PREX1: variants seen among roughly 807,000 people sequenced by gnomAD.
The protein encoded by PREX1 is phosphatidylinositol 3,4,5-trisphosphate-dependent Rac exchanger 1 protein.
In PREX1, 41 loss-of-function variants were observed where a neutral mutation model predicts 198.3. The ratio of observed to expected loss-of-function variants is 0.21; its 90% CI spans 0.16 to 0.27. The LOEUF (loss-of-function observed/expected upper bound fraction) is 0.27. Ranked by LOEUF, PREX1 falls within the 10% of genes least tolerant of loss-of-function variation. The pLI is 1.00. For synonymous variants in PREX1, 843 were observed against 887.2 expected, an observed-to-expected ratio of 0.95 and a Z score of 0.89; for missense variants, 1,620 against 2,200.7, an observed-to-expected ratio of 0.74 and a Z score of 5.28.
chr20:48,886,850 A>T, the PREX1 span, among the ~76,000 whole-genome samples: 1 of 152,224 alleles, frequency 6.6e-6, no homozygotes, highest in Admixed American at 6.5e-5. Context: ...TCAATCTGTT[A>T]ACATGTCAGA....
At chr20:48,629,304 G>T in intron 37 of PREX1, 145 bp downstream of exon 37, 4 of 1,135,238 alleles carry the variant, frequency 3.5e-6, no homozygotes, top group Non-Finnish European at 5.0e-6. Flanking sequence ...GACAAACTGA[G>T]GTGCAGACAG....
At chr20:48,873,865 G>A in the PREX1 span, among the ~76,000 whole-genome samples, 14 of 152,070 alleles carry the variant, frequency 9.2e-5, no homozygotes, top group South Asian at 2.1e-4. Flanking sequence ...TTTCCCAGGC[G>A]TTTACACACA....
chr20:48,858,871 CTTTATTTTATT>C, the PREX1 span, among the ~76,000 whole-genome samples: 2 of 152,030 alleles, frequency 1.3e-5, no homozygotes, highest in Non-Finnish European at 2.9e-5. Flanking sequence ...GTACTGCGTA[CTTTATTTTATT>C]TTTATTTTAT....
chr20:48,632,514 T>C lies in PREX1; in HGVS notation c.4393A>G (p.Thr1465Ala). The change falls in exon 34 of 40, where the codon ACA (threonine) becomes GCA (alanine). Residue 1465 changes from threonine to alanine, a missense_variant. Thr to Ala is a moderately conservative substitution (Grantham distance 58, BLOSUM62 0). Transcript: ENST00000371941. Reference protein sequence around the residue: ...LEGGASLRLHTALFTKVLENV... With the variant: ...LEGGASLRLHAALFTKVLENV... Reference sequence around the variant, plus strand: ...AGCTCACCTTTCGTGAACAGCGCTGTGTGCAGCCTCAGGCTGGCCCCACCC... The same window carrying C: ...AGCTCACCTTTCGTGAACAGCGCTGCGTGCAGCCTCAGGCTGGCCCCACCC... 1 of 1,613,994 alleles carries C rather than the reference T, an allele frequency of 6.2e-7. No individual in the cohort carries two copies. The highest frequency in any genetic ancestry group is 1.1e-5 in the South Asian group (1 of 91,082).
chr20:48,886,962 T>A, the PREX1 span, among the ~76,000 whole-genome samples: 1 of 152,160 alleles, frequency 6.6e-6, no homozygotes, highest in East Asian at 1.9e-4. Context: ...AAAATCCCTT[T>A]AGCAATATAG....
intron 7 of PREX1, among the ~76,000 whole-genome samples, chr20:48,694,440 C>T (rs2089835209): frequency 6.6e-6 from 1 of 152,204 alleles, no homozygotes; most frequent in African/African-American, 2.4e-5. Context: ...AACAAAACAT[C>T]TCTGGGAACT....
chr20:48,642,391 G>A lies in PREX1; in HGVS notation c.3684+16C>T. Reference sequence around the variant, plus strand: ...AGGAACCCAAAGTTGCGCCAGGAGTGGGGCAAAGGTCCTACCTGGTTAAAG... The same window carrying A: ...AGGAACCCAAAGTTGCGCCAGGAGTAGGGCAAAGGTCCTACCTGGTTAAAG... On this transcript the variant is annotated intron_variant, in intron 28 of 39. Coordinates refer to ENST00000371941, the MANE Select transcript of PREX1 (RefSeq NM_020820.4). 1 of 1,610,922 alleles carries A rather than the reference G, an allele frequency of 6.2e-7. No individual in the cohort carries two copies. Among genetic ancestry groups the A allele is most frequent in the Non-Finnish European group, 8.5e-7 (1 of 1,177,782 alleles).
At chr20:48,630,821 G>A (rs770427234) in intron 35 of PREX1, 27 bp from the exon 36 acceptor site, 12 of 1,516,694 alleles carry the variant, frequency 7.9e-6, no homozygotes, top group East Asian at 4.5e-5. Flanking sequence ...GGAATGAGGC[G>A]GGGGCCACCA....
chr20:48,855,091 AT>A, the PREX1 span, among the ~76,000 whole-genome samples: 3 of 152,300 alleles, frequency 2.0e-5, no homozygotes, highest in African/African-American at 7.2e-5. Context: ...CATACCGATT[AT>A]TATCCAGTAC....
intron 1 of PREX1, among the ~76,000 whole-genome samples, chr20:48,753,906 C>A (rs760055567): frequency 6.6e-6 from 1 of 152,236 alleles, no homozygotes; most frequent in Non-Finnish European, 1.5e-5. Flanking sequence ...CCGCTATTGG[C>A]TGTGCTCTTA....
chr20:48,808,633 C>A (rs546795525), intron 1 of PREX1, among the ~76,000 whole-genome samples: 4 of 152,298 alleles, frequency 2.6e-5, no homozygotes, highest in South Asian at 2.1e-4. Flanking sequence ...AAGGACAACA[C>A]CACCTCACTC....
the PREX1 span, among the ~76,000 whole-genome samples, chr20:48,860,038 G>A: frequency 6.6e-6 from 1 of 152,028 alleles, no homozygotes; most frequent in African/African-American, 2.4e-5. Context: ...AAAAAGAAAA[G>A]AAAAGAAACC....
intron 33 of PREX1, 142 bp from the exon 34 acceptor site, chr20:48,632,781 T>G: frequency 1.2e-6 from 1 of 859,366 alleles, no homozygotes; most frequent in Non-Finnish European, 1.8e-6. Flanking sequence ...CTCCCGACTC[T>G]ACAGGGGTAG....
chr20:48,675,969 G>A (rs1021068007), intron 14 of PREX1, among the ~76,000 whole-genome samples: 4 of 151,952 alleles, frequency 2.6e-5, no homozygotes, highest in East Asian at 3.9e-4. Flanking sequence ...CCTGGGAGGC[G>A]GAGGTTGCAG....
chr20:48,796,217 G>A (rs1253830968), intron 1 of PREX1, among the ~76,000 whole-genome samples: 1 of 151,876 alleles, frequency 6.6e-6, no homozygotes, highest in African/African-American at 2.4e-5. Flanking sequence ...GGTATGAAGT[G>A]GCATGTGTCT....
chr20:48,650,270 C>T, intron 23 of PREX1, 64 bp from the exon 24 acceptor site: 1 of 1,479,514 alleles, frequency 6.8e-7, no homozygotes. Context: ...TTGGCCCATA[C>T]CCAGTACCCA....
chr20:48,628,378 C>T (rs1018720817), intron 37 of PREX1, among the ~76,000 whole-genome samples: 3 of 152,166 alleles, frequency 2.0e-5, no homozygotes, highest in Non-Finnish European at 2.9e-5. Flanking sequence ...AGTTCTAGAA[C>T]GTGGATTCTG....
chr20:48,707,497 T>C (rs1453927296), intron 6 of PREX1, among the ~76,000 whole-genome samples: 4 of 152,146 alleles, frequency 2.6e-5, no homozygotes, highest in Admixed American at 2.6e-4. Flanking sequence ...ATCTCAAATA[T>C]GGCAAGTGAC....
At chr20:48,726,103 A>G (rs1454798963) in intron 5 of PREX1, among the ~76,000 whole-genome samples, 187 bp downstream of exon 5, 1 of 152,168 alleles carries the variant, frequency 6.6e-6, no homozygotes, top group Non-Finnish European at 1.5e-5. Context: ...CTGCTGCCAC[A>G]CTGAAAATAA....
Sources: allele counts gnomAD v4.1 joint callset (sites outside exome capture counted in the v4.1 genomes callset), GRCh38; gene constraint gnomAD v4.1.1; transcripts MANE v1.5; gene names NCBI Gene and HGNC (gene_info 2026-07-23, HGNC 2026-07-21).